The following PAPSS1 variants were observed in gnomAD, a reference collection of about 807,000 sequenced individuals.
The protein encoded by PAPSS1 is 3'-phosphoadenosine 5'-phosphosulfate synthase 1.
A neutral mutation model predicts 72.0 loss-of-function variants in PAPSS1; 50 were observed. That is an observed-to-expected ratio of 0.69 (90% CI 0.55 to 0.88). The LOEUF (loss-of-function observed/expected upper bound fraction) is 0.88. PAPSS1 is among the 40% of genes least tolerant of loss of function. The pLI, the probability that PAPSS1 is intolerant of heterozygous loss-of-function variation, is 0.00. For missense variants in PAPSS1, 657 were observed against 782.2 expected (o/e 0.84, Z 1.91); for synonymous variants, 261 against 263.6 (o/e 0.99, Z 0.09).
At chr4:107,639,445 A>C (rs1726479144) in intron 10 of PAPSS1, among the ~76,000 whole-genome samples, 1 of 152,182 alleles carries the variant, frequency 6.6e-6, no homozygotes, top group Non-Finnish European at 1.5e-5. Context: ...GGAAGTTTCT[A>C]CCAGCCTTTT....
Position 107,625,667 on chromosome 4 carries a change from T to C in PAPSS1, c.1736+5964A>G, listed in dbSNP as rs1038320783. ...CCCAGTCTTCTGACCTAAAGAACCATGCATGAGGTAATAAATGGGTGTTAC... is the reference window on the plus strand; with the variant it reads ...CCCAGTCTTCTGACCTAAAGAACCACGCATGAGGTAATAAATGGGTGTTAC... On this transcript the variant is annotated intron_variant, in intron 11 of 11. Transcript: ENST00000265174. Among the ~76,000 whole-genome samples, 5 of 152,112 alleles carry C rather than the reference T, an allele frequency of 3.3e-5. No individual in the cohort carries two copies. The East Asian group carries it at 7.7e-4, about 23-fold the overall frequency.
intron 1 of PAPSS1, among the ~76,000 whole-genome samples, chr4:107,704,951 C>A (rs148760898): frequency 7.5e-5 from 11 of 147,004 alleles, no homozygotes; most frequent in African/African-American, 1.0e-4. Flanking sequence ...AACTCCACCT[C>A]AAAAAAAAAA....
intron 11 of PAPSS1, among the ~76,000 whole-genome samples, chr4:107,624,931 A>T (rs1726053549): frequency 6.6e-6 from 1 of 152,246 alleles, no homozygotes; most frequent in Non-Finnish European, 1.5e-5. Flanking sequence ...AGAAAGGGAA[A>T]GGAAAGAATT....
chr4:107,708,958 A>G (rs1007391762), intron 1 of PAPSS1, among the ~76,000 whole-genome samples: 17 of 152,302 alleles, frequency 1.1e-4, no homozygotes, highest in Admixed American at 2.6e-4. Flanking sequence ...CCATGTTCAA[A>G]TAAGTCAAAT....
intron 10 of PAPSS1, among the ~76,000 whole-genome samples, chr4:107,636,362 C>T (rs890134778): frequency 2.6e-5 from 4 of 152,052 alleles, no homozygotes; most frequent in South Asian, 2.1e-4. Context: ...TTTTACGATA[C>T]AAAATACATA....
chr4:107,637,099 A>C (rs1251529913), intron 10 of PAPSS1, among the ~76,000 whole-genome samples: 2 of 152,246 alleles, frequency 1.3e-5, no homozygotes, highest in African/African-American at 4.8e-5. Flanking sequence ...CACATGACTA[A>C]TAAGTCAATG....
intron 5 of PAPSS1, among the ~76,000 whole-genome samples, chr4:107,672,277 A>G (rs918156106): frequency 6.6e-6 from 1 of 152,196 alleles, no homozygotes; most frequent in Non-Finnish European, 1.5e-5. Flanking sequence ...GCATCGCCTC[A>G]CCCAGGAAGC....
chr4:107,694,462 C>T (rs895244046), intron 2 of PAPSS1, among the ~76,000 whole-genome samples: 4 of 152,144 alleles, frequency 2.6e-5, no homozygotes, highest in South Asian at 2.1e-4. Context: ...TATGAGCAAA[C>T]GTATCAGAAA....
intron 5 of PAPSS1, among the ~76,000 whole-genome samples, chr4:107,665,755 A>T (rs1727299189): frequency 6.6e-6 from 1 of 152,234 alleles, no homozygotes; most frequent in South Asian, 2.1e-4. Flanking sequence ...CGGGGTACCC[A>T]GAACGTTGTT....
intron 11 of PAPSS1, among the ~76,000 whole-genome samples, chr4:107,616,123 T>C (rs1190307715): frequency 6.6e-6 from 1 of 151,976 alleles, no homozygotes; most frequent in Middle Eastern, 3.2e-3. Flanking sequence ...TAAAGAAATA[T>C]GCCCTATGTA....
intron 7 of PAPSS1, among the ~76,000 whole-genome samples, chr4:107,656,233 A>C (rs1727001442): frequency 6.6e-6 from 1 of 152,086 alleles, no homozygotes; most frequent in Non-Finnish European, 1.5e-5. Flanking sequence ...CTCCTGCCTC[A>C]GCCTCCCGAG....
intron 1 of PAPSS1, among the ~76,000 whole-genome samples, chr4:107,716,545 C>T (rs1233555213): frequency 6.6e-6 from 1 of 152,166 alleles, no homozygotes. Flanking sequence ...AGGGTTTCAG[C>T]CCAATATGAT....
At chr4:107,633,802 A>C (rs948986639) in intron 10 of PAPSS1, among the ~76,000 whole-genome samples, 4 of 151,718 alleles carry the variant, frequency 2.6e-5, no homozygotes, top group East Asian at 2.0e-4. Flanking sequence ...GTCTGTAGTC[A>C]CAGCTACTCG....
chr4:107,687,202 T>C (rs1722810076), intron 3 of PAPSS1, 25 bp from the exon 4 acceptor site: 1 of 1,528,032 alleles, frequency 6.5e-7, no homozygotes, highest in Non-Finnish European at 8.7e-7. Context: ...AAATAAAAAG[T>C]GATCACACAA....
chr4:107,705,695 G>A (rs936024226), intron 1 of PAPSS1, among the ~76,000 whole-genome samples: 3 of 152,190 alleles, frequency 2.0e-5, no homozygotes, highest in African/African-American at 4.8e-5. Flanking sequence ...CATTCATACC[G>A]GAGATATAAA....
intron 1 of PAPSS1, among the ~76,000 whole-genome samples, chr4:107,715,165 G>A (rs767649820): frequency 3.3e-5 from 5 of 152,212 alleles, no homozygotes; most frequent in Non-Finnish European, 5.9e-5. Flanking sequence ...CTCTTGAAAC[G>A]TGGTTACTGC....
rs554519724 is a variant in PAPSS1, at chr4:107,701,611, A to G, written c.61-326T>C. On this transcript the variant is annotated intron_variant, in intron 1 of 11. Coordinates refer to ENST00000265174, the MANE Select transcript of PAPSS1 (RefSeq NM_005443.5). ...AGACTCCAGAGCCTAGTCCTTTCAC[A>G]CATTCATTTATTCGTTCATCCATTC... Among the ~76,000 whole-genome samples the G allele has an allele frequency of 3.3e-5, 5 of 152,306 alleles. No homozygotes were observed. The South Asian group carries it at 1.0e-3, about 32-fold the overall frequency.
At chr4:107,656,221 T>C (rs140064120) in intron 7 of PAPSS1, among the ~76,000 whole-genome samples, 1 of 152,228 alleles carries the variant, frequency 6.6e-6, no homozygotes, top group East Asian at 1.9e-4. Flanking sequence ...GTTCAAGCGA[T>C]TCTCCTGCCT....
At position 107,614,356 on chromosome 4, in the gene PAPSS1, G is replaced by A. The variant is rs773974018; in HGVS notation, c.1768C>T (p.Arg590Ter). The A allele has an allele frequency of 2.1e-5, 34 of 1,613,488 alleles. No homozygotes were observed. Among genetic ancestry groups the A allele is most frequent in the South Asian group, 9.9e-5 (9 of 91,040 alleles). ...HEDFEFISGT[R>*]MRKLAREGQK... ...CCTTCTCGAGCAAGTTTGCGCATTC[G>A]TGTTCCTGAAATAAATTCAAAGTCT... The change falls in exon 12 of 12, where the codon CGA becomes TGA. Residue 590 changes from arginine to a stop codon, truncating the protein, a stop_gained. Transcript: ENST00000265174. LOFTEE classifies it high-confidence loss of function.
Sources: gnomAD v4.1 joint callset for allele counts (sites outside exome capture counted in the v4.1 genomes callset) on GRCh38, gnomAD v4.1.1 for gene constraint, MANE v1.5 for transcripts, NCBI Gene and HGNC (gene_info 2026-07-23, HGNC 2026-07-21) for gene names.